Variants in NAALADL2 observed in about 807,000 individuals in gnomAD.
The protein encoded by NAALADL2 is inactive N-acetylated-alpha-linked acidic dipeptidase-like protein 2.
NAALADL2 carries 76 observed loss-of-function variants against 87.2 expected under a neutral mutation model. The observed-to-expected ratio is 0.87, with a 90% CI of 0.72 to 1.05. The LOEUF (loss-of-function observed/expected upper bound fraction) is 1.05, where lower values mean the gene tolerates loss of function less well. Ranked by LOEUF, NAALADL2 falls within the 50% of genes least tolerant of loss-of-function variation. NAALADL2 has a pLI of 0.00. For synonymous variants in NAALADL2, 354 were observed against 331.0 expected, an observed-to-expected ratio of 1.07 and a Z score of -0.75; for missense variants, 1,089 against 945.8, an observed-to-expected ratio of 1.15 and a Z score of -1.99.
intron 1 of NAALADL2, among the ~76,000 whole-genome samples, chr3:174,495,686 A>ATCTTTTAGAAGATCAAGGATTAGGGAT (rs150444822): frequency 6.6e-6 from 1 of 151,168 alleles, no homozygotes; most frequent in African/African-American, 2.4e-5. Flanking sequence ...GGGATACTGA[A>ATCTTTTAGAAGATCAAGGATTAGGGAT]TCCAGCTGTA....
At chr3:175,004,367 A>G (rs1748704811) in intron 1 of NAALADL2, among the ~76,000 whole-genome samples, 1 of 128,196 alleles carries the variant, frequency 7.8e-6, no homozygotes, top group Admixed American at 8.7e-5. Flanking sequence ...TGACAGAGTG[A>G]GACTATTTCA....
chr3:175,615,946 ATAG>A (rs1050244360), intron 10 of NAALADL2, among the ~76,000 whole-genome samples: 10 of 146,550 alleles, frequency 6.8e-5, no homozygotes, highest in African/African-American at 1.0e-4. Flanking sequence ...TGTATGTTAT[ATAG>A]TATATATTAT....
At chr3:175,150,546 A>G (rs1056748449) in intron 2 of NAALADL2, among the ~76,000 whole-genome samples, 2 of 152,130 alleles carry the variant, frequency 1.3e-5, no homozygotes, top group Admixed American at 6.6e-5. Flanking sequence ...GATCACGTTT[A>G]CCTCCAGAAA....
At chr3:175,368,152 T>C (rs985109077) in intron 5 of NAALADL2, among the ~76,000 whole-genome samples, 9 of 152,214 alleles carry the variant, frequency 5.9e-5, no homozygotes, top group African/African-American at 2.2e-4. Context: ...ATACGCTGGA[T>C]TACATTTATT....
intron 9 of NAALADL2, among the ~76,000 whole-genome samples, chr3:175,498,830 C>T (rs1729160540): frequency 6.6e-6 from 1 of 151,990 alleles, no homozygotes; most frequent in Non-Finnish European, 1.5e-5. Flanking sequence ...TAGATAGGGT[C>T]TTTAAAGAAG....
chr3:174,774,515 G>A (rs1456381284), intron 3 of NAALADL2, among the ~76,000 whole-genome samples: 1 of 152,128 alleles, frequency 6.6e-6, no homozygotes, highest in African/African-American at 2.4e-5. Context: ...AGGACTTGAG[G>A]ACAACCCTGT....
chr3:174,474,379 A>C (rs1182583920), intron 1 of NAALADL2, among the ~76,000 whole-genome samples: 1 of 152,180 alleles, frequency 6.6e-6, no homozygotes, highest in Non-Finnish European at 1.5e-5. Flanking sequence ...TTTATGAATG[A>C]AACATTCTCA....
chr3:175,193,222 T>C (rs1425207046), intron 2 of NAALADL2, among the ~76,000 whole-genome samples: 1 of 152,004 alleles, frequency 6.6e-6, no homozygotes, highest in African/African-American at 2.4e-5. Flanking sequence ...TGTGTGTTTT[T>C]TTTTCAAATT....
intron 1 of NAALADL2, among the ~76,000 whole-genome samples, chr3:174,873,911 T>G (rs1560308905): frequency 6.6e-6 from 1 of 151,812 alleles, no homozygotes; most frequent in Non-Finnish European, 1.5e-5. Flanking sequence ...TGCCATCAAA[T>G]AAATGAAAAG....
intron 9 of NAALADL2, among the ~76,000 whole-genome samples, chr3:175,573,785 C>T (rs987976204): frequency 1.3e-5 from 2 of 152,030 alleles, no homozygotes; most frequent in African/African-American, 4.8e-5. Context: ...CCCCCACTTT[C>T]GAAAAATTCA....
chr3:175,598,820 T>G (rs1722581154), intron 10 of NAALADL2, among the ~76,000 whole-genome samples: 1 of 151,188 alleles, frequency 6.6e-6, no homozygotes, highest in Non-Finnish European at 1.5e-5. Context: ...CTAACAGCCT[T>G]TGGTAATGCT....
At chr3:175,212,154 A>T (rs1664608244) in intron 2 of NAALADL2, among the ~76,000 whole-genome samples, 1 of 152,052 alleles carries the variant, frequency 6.6e-6, no homozygotes, top group African/African-American at 2.4e-5. Flanking sequence ...GAAACACATT[A>T]ATCTAGAATT....
At chr3:175,009,540 T>G (rs1360283664) in intron 1 of NAALADL2, among the ~76,000 whole-genome samples, 1 of 152,192 alleles carries the variant, frequency 6.6e-6, no homozygotes, top group Non-Finnish European at 1.5e-5. Flanking sequence ...TTGATCTTTC[T>G]AAAGAAAAGA....
At chr3:174,956,768 A>G (rs1163039873) in intron 1 of NAALADL2, among the ~76,000 whole-genome samples, 1 of 151,984 alleles carries the variant, frequency 6.6e-6, no homozygotes, top group African/African-American at 2.4e-5. Context: ...GTCCTTTTGC[A>G]CTGGAGATTG....
chr3:175,464,197 A>C (rs557318950), intron 7 of NAALADL2, among the ~76,000 whole-genome samples: 1 of 152,096 alleles, frequency 6.6e-6, no homozygotes, highest in South Asian at 2.1e-4. Context: ...CTCCAAATTT[A>C]GTTGTCCAGT....
chr3:175,484,942 T>G (rs1162908344), intron 9 of NAALADL2, among the ~76,000 whole-genome samples: 1 of 152,140 alleles, frequency 6.6e-6, no homozygotes, highest in African/African-American at 2.4e-5. Context: ...GAAGTATAGC[T>G]GCCAGTTGCC....
intron 3 of NAALADL2, among the ~76,000 whole-genome samples, chr3:174,838,918 C>T (rs1029473957): frequency 6.6e-6 from 1 of 152,124 alleles, no homozygotes; most frequent in Non-Finnish European, 1.5e-5. Context: ...AATGACCATA[C>T]TGCCAAATAC....
At chr3:175,491,031 A>T (rs1024345682) in intron 9 of NAALADL2, among the ~76,000 whole-genome samples, 7 of 152,034 alleles carry the variant, frequency 4.6e-5, no homozygotes, top group Middle Eastern at 3.2e-3. Flanking sequence ...GACTTTTTTT[A>T]AAACATTTAA....
chr3:174,977,505 T>C (rs1744521987), intron 1 of NAALADL2, among the ~76,000 whole-genome samples: 1 of 152,258 alleles, frequency 6.6e-6, no homozygotes, highest in Admixed American at 6.5e-5. Flanking sequence ...TTGAAAAGAT[T>C]TGTAAAAATT....
Sources: allele counts gnomAD v4.1 joint callset (sites outside exome capture counted in the v4.1 genomes callset), GRCh38; gene constraint gnomAD v4.1.1; transcripts MANE v1.5; gene names NCBI Gene and HGNC (gene_info 2026-07-23, HGNC 2026-07-21).